The following XKR4 variants were observed in gnomAD, a reference collection of about 807,000 sequenced individuals.
XKR4 encodes the protein XK related 4.
In XKR4, 12 loss-of-function variants were observed where a neutral mutation model predicts 53.9. The ratio of observed to expected loss-of-function variants is 0.22; its 90% CI spans 0.14 to 0.36. The LOEUF (loss-of-function observed/expected upper bound fraction) is 0.36, where lower values mean the gene tolerates loss of function less well. Among genes scored for constraint, XKR4 ranks in the 10% least tolerant of loss-of-function variants. XKR4 has a pLI of 1.00. For synonymous variants in XKR4, 354 were observed against 362.4 expected, an observed-to-expected ratio of 0.98 and a Z score of 0.26; for missense variants, 799 against 859.5, an observed-to-expected ratio of 0.93 and a Z score of 0.88.
At chr8:55,468,143 C>T (rs1312725029) in intron 2 of XKR4, among the ~76,000 whole-genome samples, 3 of 152,206 alleles carry the variant, frequency 2.0e-5, no homozygotes, top group East Asian at 3.9e-4. Flanking sequence ...AGATGTTTCT[C>T]ATAATGCATT....
At chr8:55,217,971 T>A (rs12676231) in intron 1 of XKR4, among the ~76,000 whole-genome samples, 36,034 of 152,144 alleles carry the variant, frequency 0.24, 4,733 homozygotes, top group East Asian at 0.47. Flanking sequence ...TAGTAGAAGG[T>A]CTTTTATAAT....
At chr8:55,216,559 C>G (rs1334757294) in intron 1 of XKR4, among the ~76,000 whole-genome samples, 1 of 152,036 alleles carries the variant, frequency 6.6e-6, no homozygotes, top group Non-Finnish European at 1.5e-5. Context: ...GAAACCCCAT[C>G]TCTACTAAAA....
intron 2 of XKR4, among the ~76,000 whole-genome samples, chr8:55,509,681 C>T (rs776860359): frequency 2.0e-5 from 3 of 152,180 alleles, no homozygotes; most frequent in Non-Finnish European, 4.4e-5. Context: ...AAAAGATTGG[C>T]TGGACTGGCT....
intron 2 of XKR4, among the ~76,000 whole-genome samples, chr8:55,495,358 G>A (rs1486076215): frequency 1.3e-5 from 2 of 152,108 alleles, no homozygotes; most frequent in Non-Finnish European, 2.9e-5. Context: ...CTGCACCCAA[G>A]GAGCTCCCGC....
intron 2 of XKR4, among the ~76,000 whole-genome samples, chr8:55,407,073 C>T (rs1334260340): frequency 6.6e-6 from 1 of 152,168 alleles, no homozygotes; most frequent in Non-Finnish European, 1.5e-5. Context: ...TTTGCCTCTC[C>T]AGCCAGCAAA....
chr8:55,134,215 A>G (rs1816594924), intron 1 of XKR4, among the ~76,000 whole-genome samples: 1 of 152,244 alleles, frequency 6.6e-6, no homozygotes, highest in African/African-American at 2.4e-5. Flanking sequence ...TAGAAGAGAA[A>G]GCAGGTGAAG....
At position 55,523,736 on chromosome 8, in the gene XKR4, G is replaced by T; in HGVS notation, c.1462G>T (p.Ala488Ser). The change falls in exon 3 of 3, where the codon GCC becomes TCC. Residue 488 changes from alanine to serine, a missense_variant. By Grantham distance (99) the Ala-to-Ser change is moderately conservative. This residue lies in a region of XKR4 where 269 missense variants were observed against 264.4 expected (regional missense o/e 1.02). Transcript: ENST00000327381. The part of the protein sequence containing the change: ...YKAPQIADAF[A>S]IPALCVVFSS... ...GGCTCCCCAGATTGCAGACGCATTT[G>T]CCATTCCAGCGCTGTGTGTGGTGTT... The T allele has an allele frequency of 6.2e-7, 1 of 1,614,156 alleles. No homozygotes were observed. The highest frequency in any genetic ancestry group is 8.5e-7 in the Non-Finnish European group (1 of 1,180,036).
At chr8:55,110,797 T>G (rs1289073545) in intron 1 of XKR4, among the ~76,000 whole-genome samples, 2 of 152,160 alleles carry the variant, frequency 1.3e-5, no homozygotes, top group Non-Finnish European at 2.9e-5. Flanking sequence ...GAAGAATTTT[T>G]GGTATTTTTT....
At chr8:55,433,091 A>G (rs908948780) in intron 2 of XKR4, among the ~76,000 whole-genome samples, 2 of 152,234 alleles carry the variant, frequency 1.3e-5, no homozygotes, top group African/African-American at 4.8e-5. Flanking sequence ...ACTTTTTAAA[A>G]ATTCATATGA....
In XKR4 at chr8:55,454,917, G is replaced by A; in HGVS notation, c.1007-68364G>A. 5 of 773,344 alleles carry A rather than the reference G, an allele frequency of 6.5e-6. No homozygotes were observed. In the East Asian group the frequency reaches 1.2e-4, roughly 19 times the overall value. 47.9% of individuals were successfully genotyped at this position (773,344 alleles called of 1,614,324 possible). On this transcript the variant is annotated intron_variant, in intron 2 of 2. Transcript: ENST00000327381. Reference sequence around the variant, plus strand: ...CCAGAAGGTCAAGCAGCACAGTAGTGGCGCCCGGAGTTGATGTCGGTGAGG... The same window carrying A: ...CCAGAAGGTCAAGCAGCACAGTAGTAGCGCCCGGAGTTGATGTCGGTGAGG...
intron 2 of XKR4, among the ~76,000 whole-genome samples, chr8:55,511,647 C>A (rs1171764353): frequency 2.0e-5 from 3 of 152,254 alleles, no homozygotes; most frequent in Admixed American, 2.0e-4. Flanking sequence ...ACAGCTTCGA[C>A]TTCGCCCTTC....
intron 2 of XKR4, among the ~76,000 whole-genome samples, chr8:55,468,779 C>A (rs1258328914): frequency 6.6e-6 from 1 of 152,100 alleles, no homozygotes; most frequent in African/African-American, 2.4e-5. Flanking sequence ...AAATCTAACA[C>A]TCTGATTCGT....
At chr8:55,219,317 G>T (rs932175922) in intron 1 of XKR4, among the ~76,000 whole-genome samples, 1 of 152,154 alleles carries the variant, frequency 6.6e-6, no homozygotes, top group Non-Finnish European at 1.5e-5. Flanking sequence ...ACTTCACTCT[G>T]GATGTTTGCA....
At chr8:55,394,832 C>T (rs1804492027) in intron 2 of XKR4, among the ~76,000 whole-genome samples, 1 of 152,130 alleles carries the variant, frequency 6.6e-6, no homozygotes, top group Non-Finnish European at 1.5e-5. Flanking sequence ...TAGAGTTCCC[C>T]AGCATCACCA....
At chr8:55,202,651 A>G (rs924923448) in intron 1 of XKR4, among the ~76,000 whole-genome samples, 1 of 152,202 alleles carries the variant, frequency 6.6e-6, no homozygotes, top group African/African-American at 2.4e-5. Context: ...CTGTGCTGGG[A>G]TCTCAGCATA....
At chr8:55,208,527 T>C (rs1817680861) in intron 1 of XKR4, among the ~76,000 whole-genome samples, 1 of 152,060 alleles carries the variant, frequency 6.6e-6, no homozygotes, top group Admixed American at 6.6e-5. Context: ...CAGGCAGTGG[T>C]GCGATCTCCG....
intron 2 of XKR4, among the ~76,000 whole-genome samples, chr8:55,463,554 C>A (rs1023671653): frequency 5.3e-5 from 8 of 151,806 alleles, no homozygotes; most frequent in Non-Finnish European, 7.4e-5. Flanking sequence ...CCTAACATCA[C>A]AATTAAAAGA....
At chr8:55,209,900 C>T (rs1219287063) in intron 1 of XKR4, among the ~76,000 whole-genome samples, 1 of 152,160 alleles carries the variant, frequency 6.6e-6, no homozygotes, top group African/African-American at 2.4e-5. Context: ...ATTTTTTCCT[C>T]TAGACATGAG....
intron 1 of XKR4, among the ~76,000 whole-genome samples, chr8:55,294,464 G>A (rs1819074573): frequency 6.6e-6 from 1 of 152,028 alleles, no homozygotes; most frequent in Admixed American, 6.6e-5. Flanking sequence ...GTCTTCCCTG[G>A]GCTAAAGGGA....
Sources: gnomAD v4.1 joint callset for allele counts (sites outside exome capture counted in the v4.1 genomes callset) on GRCh38, gnomAD v4.1.1 for gene constraint, gnomAD v4.1.1 regional missense constraint, MANE v1.5 for transcripts, NCBI Gene and HGNC (gene_info 2026-07-23, HGNC 2026-07-21) for gene names.